Variants in NTRK3 observed in about 807,000 individuals in gnomAD.
NTRK3 encodes neurotrophic receptor tyrosine kinase 3.
NTRK3 carries 24 observed loss-of-function variants against 91.7 expected under a neutral mutation model. That is an observed-to-expected ratio of 0.26 (90% CI 0.19 to 0.37). The LOEUF (loss-of-function observed/expected upper bound fraction) is 0.37, where lower values mean the gene tolerates loss of function less well. Among genes scored for constraint, NTRK3 ranks in the 10% least tolerant of loss-of-function variants. NTRK3 has a pLI of 1.00. For missense variants in NTRK3, 880 were observed against 1,068.9 expected (o/e 0.82, Z 2.46); for synonymous variants, 483 against 404.0 (o/e 1.20, Z -2.34).
rs1000796966 is a variant in NTRK3, at chr15:88,201,557, G to A, written c.249-17258C>T. ...CAAACCCTCTCCTCCTGCACACCTCGTACATGCTACAGGAGTGCAGAGAGG... is the reference window on the plus strand; with the variant it reads ...CAAACCCTCTCCTCCTGCACACCTCATACATGCTACAGGAGTGCAGAGAGG... On this transcript the variant is annotated intron_variant, in intron 3 of 18. Coordinates refer to ENST00000394480, the Ensembl canonical transcript of NTRK3. Among the ~76,000 whole-genome samples, 7 of 152,130 alleles carry A rather than the reference G, an allele frequency of 4.6e-5. 1 individual carries two copies. In the East Asian group the frequency reaches 5.8e-4, roughly 13 times the overall value.
chr15:87,928,995 G>A lies in NTRK3; in HGVS notation c.2133+196C>T, dbSNP rs79973981. ...AGTTAAATGTCCAAGAAGAAAGAAG[G>A]AGTGGGCAATTGAGAACATAATAAA... On this transcript the variant is annotated intron_variant, in intron 17 of 18. Coordinates refer to ENST00000394480, the Ensembl canonical transcript of NTRK3. 4,124 of 675,834 alleles carry A rather than the reference G, an allele frequency of 6.1e-3. 76 individuals are homozygous for A. Among genetic ancestry groups the A allele is most frequent in the East Asian group, 0.033 (1,249 of 37,330 alleles). 41.9% of individuals were successfully genotyped at this position (675,834 alleles called of 1,614,324 possible).
intron 17 of NTRK3, among the ~76,000 whole-genome samples, chr15:87,901,000 C>T (rs1451209901): frequency 6.6e-6 from 1 of 152,150 alleles, no homozygotes; most frequent in African/African-American, 2.4e-5. Context: ...TCGTTCCACA[C>T]AGCCTGCTAC....
chr15:87,870,351 T>C lies in NTRK3; in HGVS notation c.*6584A>G, dbSNP rs537124167. 117 of 198,508 alleles carry C rather than the reference T, an allele frequency of 5.9e-4. 3 individuals carry two copies. In the South Asian group the frequency reaches 0.011, roughly 19 times the overall value. The allele number at this position is 198,508 out of a possible 1,614,324, so 12.3% of individuals were successfully genotyped here. On this transcript the variant is annotated 3_prime_UTR_variant, in exon 19 of 19. Coordinates refer to ENST00000394480, the Ensembl canonical transcript of NTRK3. ...TTCAGGAATAGAAAACCAAACATCG[T>C]ACGTTCTCACTGATATGTGGGAGCT...
intron 15 of NTRK3, among the ~76,000 whole-genome samples, chr15:87,938,284 T>A (rs926367612): frequency 6.6e-6 from 1 of 152,204 alleles, no homozygotes; most frequent in Admixed American, 6.5e-5. Context: ...CCAATTGATT[T>A]GGGAAAACTT....
In NTRK3 at chr15:88,234,260, T is replaced by C. The variant is rs907999486; in HGVS notation, c.248+21646A>G. ...AAAAAGCTCCCATAGCCTACACATC[T>C]CCAGACTGCACTCTCTTCCTTCATT... On this transcript the variant is annotated intron_variant, in intron 3 of 18. Coordinates refer to ENST00000394480, the Ensembl canonical transcript of NTRK3. This position sits in a 1 kb window ranked among gnomAD's most constrained non-coding sequence, Gnocchi z 6.1. Among the ~76,000 whole-genome samples the C allele has an allele frequency of 6.6e-6, 1 of 152,154 alleles. No homozygotes were observed. The highest frequency in any genetic ancestry group is 1.5e-5 in the Non-Finnish European group (1 of 68,024).
chr15:88,132,246 C>T lies in NTRK3; in HGVS notation c.1204+2855G>A, dbSNP rs1457163818. ...GGTTCTAGAACTCTTGAATTCATCTCAGCTCTACATCCTAAGAATCTTAAC... is the reference window on the plus strand; with the variant it reads ...GGTTCTAGAACTCTTGAATTCATCTTAGCTCTACATCCTAAGAATCTTAAC... On this transcript the variant is annotated intron_variant, in intron 10 of 18. Transcript: ENST00000394480. 7.9e-5 allele frequency among the ~76,000 whole-genome samples: 12 copies of T among 152,362 alleles called. 2 individuals carry two copies. The South Asian group carries it at 2.1e-3, about 26-fold the overall frequency.
At chr15:88,148,844 G>T (rs1175317502) in intron 5 of NTRK3, among the ~76,000 whole-genome samples, 1 of 152,132 alleles carries the variant, frequency 6.6e-6, no homozygotes, top group Non-Finnish European at 1.5e-5. Flanking sequence ...CAAGTGGATG[G>T]ATTCAAGATA....
At chr15:88,037,287 C>A (rs184798698) in intron 13 of NTRK3, among the ~76,000 whole-genome samples, 1 of 152,150 alleles carries the variant, frequency 6.6e-6, no homozygotes, top group African/African-American at 2.4e-5. Flanking sequence ...GGAGGCCAGG[C>A]GCAGTGGTTT....
chr15:88,113,759 G>T (rs2051719484), intron 13 of NTRK3, among the ~76,000 whole-genome samples: 1 of 152,130 alleles, frequency 6.6e-6, no homozygotes, highest in Non-Finnish European at 1.5e-5. Context: ...GGCTATGATT[G>T]TTTTCATGCT....
intron 3 of NTRK3, among the ~76,000 whole-genome samples, chr15:88,244,460 C>T (rs959066550): frequency 2.6e-5 from 4 of 152,162 alleles, no homozygotes; most frequent in Admixed American, 6.5e-5. Flanking sequence ...ATTCCATGAC[C>T]TTTTTACTAC....
At chr15:88,022,389 C>A (rs1040650393) in intron 14 of NTRK3, among the ~76,000 whole-genome samples, 1 of 152,148 alleles carries the variant, frequency 6.6e-6, no homozygotes, top group Non-Finnish European at 1.5e-5. Flanking sequence ...CCTATCTGAC[C>A]CCTATGTATA....
chr15:88,202,713 C>T (rs969289590), intron 3 of NTRK3, among the ~76,000 whole-genome samples: 1 of 152,190 alleles, frequency 6.6e-6, no homozygotes, highest in Non-Finnish European at 1.5e-5. Flanking sequence ...GAGTGCTGTC[C>T]TGGAGAGAAG....
At chr15:87,930,750 C>G (rs1231625844) in intron 16 of NTRK3, among the ~76,000 whole-genome samples, 2 of 152,154 alleles carry the variant, frequency 1.3e-5, no homozygotes, top group Non-Finnish European at 2.9e-5. Flanking sequence ...GAAGGTCACC[C>G]TCGACTGATA....
chr15:88,016,404 G>T (rs1156463135), intron 14 of NTRK3, among the ~76,000 whole-genome samples: 1 of 152,208 alleles, frequency 6.6e-6, no homozygotes, highest in Non-Finnish European at 1.5e-5. Flanking sequence ...TTTACATCAT[G>T]AATTGTTCCT....
intron 14 of NTRK3, among the ~76,000 whole-genome samples, chr15:87,946,660 A>G (rs1252356635): frequency 2.6e-5 from 4 of 151,936 alleles, no homozygotes; most frequent in Non-Finnish European, 5.9e-5. Flanking sequence ...TCATGTTGAT[A>G]CTCAGTTCCT....
chr15:87,987,786 T>C (rs2074950994), intron 14 of NTRK3, among the ~76,000 whole-genome samples: 1 of 151,972 alleles, frequency 6.6e-6, no homozygotes, highest in South Asian at 2.1e-4. Context: ...GGATATTACC[T>C]TTTCCTTTAA....
intron 13 of NTRK3, among the ~76,000 whole-genome samples, chr15:88,113,734 A>G (rs1367479590): frequency 2.6e-5 from 4 of 152,184 alleles, no homozygotes; most frequent in African/African-American, 9.7e-5. Flanking sequence ...AGCCATGCTC[A>G]TTCATTTACA....
intron 13 of NTRK3, among the ~76,000 whole-genome samples, chr15:88,057,371 G>A (rs1439864637): frequency 6.6e-6 from 1 of 151,796 alleles, no homozygotes; most frequent in Admixed American, 6.6e-5. Flanking sequence ...GGTGGCAGGT[G>A]CCTGTAATCC....
intron 13 of NTRK3, among the ~76,000 whole-genome samples, chr15:88,065,558 C>T (rs1049723673): frequency 1.3e-5 from 2 of 152,090 alleles, no homozygotes; most frequent in African/African-American, 4.8e-5. Flanking sequence ...CAGAATATTG[C>T]TGGAGAAGAA....
Sources: gnomAD v4.1 joint callset for allele counts (sites outside exome capture counted in the v4.1 genomes callset) on GRCh38, gnomAD v4.1.1 for gene constraint, Gnocchi (gnomAD v3.1) non-coding constraint, MANE v1.5 for transcripts, NCBI Gene and HGNC (gene_info 2026-07-23, HGNC 2026-07-21) for gene names.